The following ADARB2 variants were observed in gnomAD, a reference collection of about 807,000 sequenced individuals.
ADARB2 encodes the protein inactive double-stranded RNA-specific editase B2.
In ADARB2, 25 loss-of-function variants were observed where a neutral mutation model predicts 62.2. The ratio of observed to expected loss-of-function variants is 0.40; its 90% CI spans 0.29 to 0.56. The LOEUF is 0.56. Ranked by LOEUF, ADARB2 falls within the 20% of genes least tolerant of loss-of-function variation. The probability of loss-of-function intolerance (pLI) is 0.43; values close to 1 mark genes in which losing one functional copy is unlikely to be tolerated. For synonymous variants in ADARB2, 572 were observed against 500.8 expected (o/e 1.14, Z -1.90); for missense variants, 1,071 against 1,077.4 (o/e 0.99, Z 0.08).
intron 1 of ADARB2, among the ~76,000 whole-genome samples, chr10:1,636,052 C>T (rs1325695563): frequency 2.0e-5 from 3 of 151,978 alleles, no homozygotes; most frequent in South Asian, 2.1e-4. Flanking sequence ...CTCTGAGGCA[C>T]GTTTTTGGAG....
At chr10:1,608,942 G>A (rs1024708718) in intron 1 of ADARB2, among the ~76,000 whole-genome samples, 6 of 152,100 alleles carry the variant, frequency 3.9e-5, no homozygotes, top group African/African-American at 2.4e-5. Flanking sequence ...CCTATTGTGC[G>A]TCCCTCTTGC....
At chr10:1,546,481 G>A (rs929953525) in intron 1 of ADARB2, among the ~76,000 whole-genome samples, 2 of 152,214 alleles carry the variant, frequency 1.3e-5, no homozygotes, top group Admixed American at 6.5e-5. Flanking sequence ...TCCTGACTTT[G>A]AGGAGAAATG....
At chr10:1,332,946 G>A (rs1320816549) in intron 3 of ADARB2, among the ~76,000 whole-genome samples, 4 of 152,210 alleles carry the variant, frequency 2.6e-5, no homozygotes, top group Non-Finnish European at 4.4e-5. Flanking sequence ...ATCAATGGGA[G>A]AGACAACTTG....
chr10:1,256,365 A>G (rs1831079328), intron 4 of ADARB2, among the ~76,000 whole-genome samples: 1 of 152,188 alleles, frequency 6.6e-6, no homozygotes, highest in Non-Finnish European at 1.5e-5. Context: ...GTCTGGGAGC[A>G]TGACCTGCAG....
In ADARB2 at chr10:1,328,734, T is replaced by A. The variant is rs981487807; in HGVS notation, c.1077+34294A>T. Among the ~76,000 whole-genome samples the A allele has an allele frequency of 5.0e-4, 76 of 152,082 alleles. 2 individuals carry two copies. The highest frequency in any genetic ancestry group is 1.2e-4 in the Non-Finnish European group (8 of 68,010). On this transcript the variant is annotated intron_variant, in intron 3 of 9. Transcript: ENST00000381312. ...GGCCAAGCGTAGTGGCTCATATCTG[T>A]AACCCCAGCACTTTGAGATGTATGA...
chr10:1,310,665 C>T lies in ADARB2; in HGVS notation c.1078-39596G>A, dbSNP rs894366604. Among the ~76,000 whole-genome samples, 4 of 152,222 alleles carry T rather than the reference C, an allele frequency of 2.6e-5. No homozygotes were observed. The South Asian group carries it at 8.3e-4, about 32-fold the overall frequency. ...TGCTGCGCTCCAGTCGGGACTAGGT[C>T]CTCACGGTACCTCTGGAGGGGATCT... On this transcript the variant is annotated intron_variant, in intron 3 of 9. Coordinates refer to ENST00000381312, the MANE Select transcript of ADARB2 (RefSeq NM_018702.4).
At chr10:1,316,353 A>G (rs1405457279) in intron 3 of ADARB2, among the ~76,000 whole-genome samples, 2 of 152,200 alleles carry the variant, frequency 1.3e-5, no homozygotes, top group Non-Finnish European at 2.9e-5. Flanking sequence ...CGCCTCACCC[A>G]GCTTCCTCAC....
At position 1,363,271 on chromosome 10, in the gene ADARB2, G is replaced by C; in HGVS notation, c.834C>G (p.Asn278Lys). 1 of 1,265,276 alleles carries C rather than the reference G, an allele frequency of 7.9e-7. No individual in the cohort carries two copies. Among genetic ancestry groups the C allele is most frequent in the South Asian group, 2.7e-5 (1 of 36,610 alleles). The allele number at this position is 1,265,276 out of a possible 1,614,324, so 78.4% of individuals were successfully genotyped here. ...GCAGGCGGTTCAGCAGCACCACGGGGTTGCGCTCGCCCGGGGCCGCGGGGG... is the reference window on the plus strand; with the variant it reads ...GCAGGCGGTTCAGCAGCACCACGGGCTTGCGCTCGCCCGGGGCCGCGGGGG... ...PATPAAPGER[N>K]PVVLLNRLRA... Residue 278 changes from asparagine to lysine, a missense_variant, in exon 3 of 10, where the codon AAC becomes AAG. By Grantham distance (94) the Asn-to-Lys change is moderately conservative (BLOSUM62 0). Transcript: ENST00000381312.
chr10:1,271,317 C>A (rs921909862), intron 3 of ADARB2, among the ~76,000 whole-genome samples: 5 of 152,228 alleles, frequency 3.3e-5, no homozygotes, highest in African/African-American at 9.7e-5. Flanking sequence ...CAGCAGAAAC[C>A]CTGAGCTCTG....
chr10:1,218,820 G>A lies in ADARB2; in HGVS notation c.1514-1701C>T, dbSNP rs370269304. ...AGCACTTTGGGAGGCAGAGGCGGGCGGATCACGAGGTCAGGAGATTGAGAT... is the reference window on the plus strand; with the variant it reads ...AGCACTTTGGGAGGCAGAGGCGGGCAGATCACGAGGTCAGGAGATTGAGAT... On this transcript the variant is annotated intron_variant, in intron 6 of 9. Coordinates refer to ENST00000381312, the MANE Select transcript of ADARB2 (RefSeq NM_018702.4). Among the ~76,000 whole-genome samples the A allele has an allele frequency of 4.4e-4, 67 of 152,012 alleles. 1 individual carries two copies. The highest frequency in any genetic ancestry group is 1.5e-3 in the African/African-American group (61 of 41,444).
intron 1 of ADARB2, among the ~76,000 whole-genome samples, chr10:1,564,455 C>T (rs1832829946): frequency 6.6e-6 from 1 of 152,128 alleles, no homozygotes; most frequent in Non-Finnish European, 1.5e-5. Flanking sequence ...AAAGAAACTA[C>T]CATCAGAGTG....
At chr10:1,428,711 G>A (rs1188584919) in intron 1 of ADARB2, among the ~76,000 whole-genome samples, 2 of 152,080 alleles carry the variant, frequency 1.3e-5, no homozygotes, top group Admixed American at 6.6e-5. Flanking sequence ...GCTTATGAAA[G>A]GGACAACATG....
intron 1 of ADARB2, among the ~76,000 whole-genome samples, chr10:1,558,467 C>G (rs1285113799): frequency 8.0e-6 from 1 of 125,658 alleles, no homozygotes. Flanking sequence ...CCTCTGCCCC[C>G]CTCCGTGGGT....
chr10:1,477,804 C>T lies in ADARB2; in HGVS notation c.101-98644G>A, dbSNP rs1831421840. ...TGCTATGTTTAAATCTAACTTGGGA[C>T]TTCTGTGGGCCACACATGTCTTTAA... On this transcript the variant is annotated intron_variant, in intron 1 of 9. Transcript: ENST00000381312. This position sits in a 1 kb window ranked among gnomAD's most constrained non-coding sequence, Gnocchi z 4.5. Among the ~76,000 whole-genome samples the T allele has an allele frequency of 6.6e-6, 1 of 152,206 alleles. No homozygotes were observed. The highest frequency in any genetic ancestry group is 1.5e-5 in the Non-Finnish European group (1 of 68,030).
chr10:1,696,953 T>G (rs1457010147), intron 1 of ADARB2, among the ~76,000 whole-genome samples: 1 of 147,872 alleles, frequency 6.8e-6, no homozygotes, highest in Non-Finnish European at 1.5e-5. Flanking sequence ...TCTTAAAACA[T>G]GATGAGATTA....
intron 1 of ADARB2, among the ~76,000 whole-genome samples, chr10:1,422,839 T>TG (rs1832862818): frequency 6.6e-6 from 1 of 152,174 alleles, no homozygotes; most frequent in Non-Finnish European, 1.5e-5. Flanking sequence ...GTACCTCCTA[T>TG]GGCCACACGC....
intron 3 of ADARB2, among the ~76,000 whole-genome samples, chr10:1,299,763 C>T (rs12220563): frequency 0.44 from 66,846 of 152,100 alleles, 16,315 homozygotes; most frequent in East Asian, 0.69. Context: ...TCCTGGGTTA[C>T]GATGCAGCAG....
intron 1 of ADARB2, among the ~76,000 whole-genome samples, chr10:1,597,910 T>C (rs1833354939): frequency 6.6e-6 from 1 of 152,230 alleles, no homozygotes; most frequent in Admixed American, 6.5e-5. Flanking sequence ...GACAATGTGG[T>C]ACATATACAC....
intron 1 of ADARB2, among the ~76,000 whole-genome samples, chr10:1,513,337 G>A (rs1831962861): frequency 6.6e-6 from 1 of 152,200 alleles, no homozygotes; most frequent in Admixed American, 6.5e-5. Context: ...TCAGTGACAA[G>A]GCTGGCTATG....
Sources: gnomAD v4.1 joint callset for allele counts (sites outside exome capture counted in the v4.1 genomes callset) on GRCh38, gnomAD v4.1.1 for gene constraint, Gnocchi (gnomAD v3.1) non-coding constraint, MANE v1.5 for transcripts, NCBI Gene and HGNC (gene_info 2026-07-23, HGNC 2026-07-21) for gene names.